Variants in ARID1B observed in about 807,000 individuals in gnomAD.
The protein encoded by ARID1B is AT-rich interaction domain 1B, also known as AT-rich interactive domain-containing protein 1B.
A neutral mutation model predicts 212.3 loss-of-function variants in ARID1B; 30 were observed. The observed-to-expected ratio is 0.14, with a 90% CI of 0.11 to 0.19. ARID1B has a LOEUF of 0.19. Ranked by LOEUF, ARID1B falls within the 10% of genes least tolerant of loss-of-function variation. ARID1B has a pLI of 1.00. For synonymous variants in ARID1B, 1,402 were observed against 1,301.7 expected, an observed-to-expected ratio of 1.08 and a Z score of -1.66; for missense variants, 2,891 against 3,204.0, an observed-to-expected ratio of 0.90 and a Z score of 2.36.
chr6:156,868,027 T>A (rs1405621678), intron 2 of ARID1B, among the ~76,000 whole-genome samples: 2 of 152,232 alleles, frequency 1.3e-5, no homozygotes, highest in Non-Finnish European at 2.9e-5. Flanking sequence ...ACAGTGGGGA[T>A]TGATGGATGG....
At chr6:157,084,138 C>T (rs1012835090) in intron 4 of ARID1B, among the ~76,000 whole-genome samples, 3 of 149,046 alleles carry the variant, frequency 2.0e-5, no homozygotes, top group Non-Finnish European at 3.0e-5. Context: ...TCATCACCTC[C>T]CCCCCAAAAA....
At chr6:157,125,885 A>G (rs1228689937) in intron 6 of ARID1B, among the ~76,000 whole-genome samples, 1 of 152,238 alleles carries the variant, frequency 6.6e-6, no homozygotes, top group Non-Finnish European at 1.5e-5. Context: ...ATATAAAGTT[A>G]TAAGTTGCTT....
intron 1 of ARID1B, among the ~76,000 whole-genome samples, chr6:156,820,130 G>T (rs1782251350): frequency 1.3e-5 from 2 of 152,184 alleles, no homozygotes; most frequent in South Asian, 4.1e-4. Flanking sequence ...GAGTTCTGGG[G>T]CTTGGAGGAA....
intron 4 of ARID1B, among the ~76,000 whole-genome samples, chr6:156,987,278 T>C (rs1777980649): frequency 6.6e-6 from 1 of 151,810 alleles, no homozygotes; most frequent in Non-Finnish European, 1.5e-5. Flanking sequence ...AGAGAGATAA[T>C]TACAGCTAAT....
chr6:156,852,982 G>A (rs761021116), intron 2 of ARID1B, among the ~76,000 whole-genome samples: 3 of 152,242 alleles, frequency 2.0e-5, no homozygotes, highest in Non-Finnish European at 2.9e-5. Flanking sequence ...TTATAATGCT[G>A]ATAGGGATAA....
At chr6:157,154,071 G>A (rs759384813) in intron 8 of ARID1B, among the ~76,000 whole-genome samples, 2 of 152,198 alleles carry the variant, frequency 1.3e-5, no homozygotes, top group Non-Finnish European at 2.9e-5. Context: ...ATGGTACCTG[G>A]TGATGTCCAG....
chr6:157,021,081 G>A (rs1414293404), intron 4 of ARID1B, among the ~76,000 whole-genome samples: 4 of 138,166 alleles, frequency 2.9e-5, no homozygotes. Flanking sequence ...TTCCCTCCTC[G>A]GCTGCGCTTT....
chr6:157,123,632 T>C (rs1008322714), intron 6 of ARID1B, among the ~76,000 whole-genome samples: 3 of 152,238 alleles, frequency 2.0e-5, no homozygotes, highest in Non-Finnish European at 2.9e-5. Context: ...ACTTGCAGCA[T>C]TTTCTGGCTT....
chr6:156,792,312 A>G (rs1331789190), intron 1 of ARID1B, among the ~76,000 whole-genome samples: 1 of 152,158 alleles, frequency 6.6e-6, no homozygotes, highest in Non-Finnish European at 1.5e-5. Flanking sequence ...TTTTTAAAAA[A>G]CCATGCAAGG....
At chr6:156,956,301 C>T (rs1021198137) in intron 4 of ARID1B, among the ~76,000 whole-genome samples, 1 of 152,112 alleles carries the variant, frequency 6.6e-6, no homozygotes. Flanking sequence ...CTGCTTCTTA[C>T]CCCCACCCTT....
At chr6:157,099,710 C>G (rs1297359259) in intron 5 of ARID1B, among the ~76,000 whole-genome samples, 1 of 152,072 alleles carries the variant, frequency 6.6e-6, no homozygotes, top group Non-Finnish European at 1.5e-5. Flanking sequence ...TATCTTCAAG[C>G]CTAGGAGTGA....
At chr6:156,950,314 C>T (rs62434294) in intron 4 of ARID1B, among the ~76,000 whole-genome samples, 9,281 of 152,218 alleles carry the variant, frequency 0.061, 329 homozygotes, top group African/African-American at 0.094. Flanking sequence ...ACCATATAAC[C>T]GTAATAGGAG....
At chr6:157,010,448 G>A (rs191289623) in intron 4 of ARID1B, among the ~76,000 whole-genome samples, 35 of 151,740 alleles carry the variant, frequency 2.3e-4, no homozygotes, top group Non-Finnish European at 3.8e-4. Flanking sequence ...TCAGCCTCCC[G>A]AGTAGCTGGG....
chr6:157,129,315 C>T (rs948362802), intron 6 of ARID1B, among the ~76,000 whole-genome samples: 13 of 152,198 alleles, frequency 8.5e-5, no homozygotes, highest in Non-Finnish European at 1.8e-4. Flanking sequence ...CTACTAGATT[C>T]AGAGCTCATG....
intron 9 of ARID1B, chr6:157,173,068 A>T (rs189653275): frequency 4.6e-5 from 7 of 152,332 alleles, no homozygotes; most frequent in Admixed American, 3.9e-4. Flanking sequence ...TGTTGCGCAG[A>T]TGGTTTTCAC....
At chr6:157,076,529 T>C (rs1317677609) in intron 4 of ARID1B, among the ~76,000 whole-genome samples, 1 of 121,684 alleles carries the variant, frequency 8.2e-6, no homozygotes, top group Non-Finnish European at 2.0e-5. Context: ...GAAATGAATG[T>C]CTCCAGAAGG....
chr6:157,185,237 A>T (rs1792891105), intron 13 of ARID1B: 2 of 152,272 alleles, frequency 1.3e-5, no homozygotes, highest in Admixed American at 6.5e-5. Flanking sequence ...GCAATAGTAG[A>T]GAGGGGAAGA....
chr6:157,053,422 G>A (rs573046675), intron 4 of ARID1B, among the ~76,000 whole-genome samples: 1 of 152,316 alleles, frequency 6.6e-6, no homozygotes, highest in South Asian at 2.1e-4. Context: ...TCTGAAGATA[G>A]CAATAGCCCT....
intron 4 of ARID1B, chr6:156,937,744 A>G (rs963645189): frequency 6.6e-6 from 1 of 152,204 alleles, no homozygotes; most frequent in African/African-American, 2.4e-5. Flanking sequence ...TCAACTGTTT[A>G]AATGTTTTCT....
Sources: allele counts gnomAD v4.1 joint callset (sites outside exome capture counted in the v4.1 genomes callset), GRCh38; gene constraint gnomAD v4.1.1; transcripts MANE v1.5; gene names NCBI Gene and HGNC (gene_info 2026-07-23, HGNC 2026-07-21).